The following BCCIP variants were observed in gnomAD, a reference collection of about 807,000 sequenced individuals.
BCCIP encodes the protein BRCA2 and CDKN1A-interacting protein.
Under a neutral mutation model 32.8 loss-of-function variants are expected in BCCIP, and 23 were observed. The ratio of observed to expected loss-of-function variants is 0.70; its 90% confidence interval spans 0.51 to 0.99. BCCIP has a LOEUF of 0.99. Among genes scored for constraint, BCCIP ranks in the 50% least tolerant of loss-of-function variants. The pLI, the probability that BCCIP is intolerant of heterozygous loss-of-function variation, is 0.00. For missense variants in BCCIP, 378 were observed against 379.8 expected (o/e 1.00, Z 0.04); for synonymous variants, 144 against 137.6 (o/e 1.05, Z -0.33).
chr10:125,832,897 T>G (rs1208601169), intron 5 of BCCIP, among the ~76,000 whole-genome samples: 4 of 151,282 alleles, frequency 2.6e-5, no homozygotes, highest in African/African-American at 9.7e-5. Flanking sequence ...GGCAGATCAC[T>G]TGAGGCTAGG....
Position 125,836,206 on chromosome 10 carries a change from G to C in BCCIP, c.877G>C (p.Val293Leu), listed in dbSNP as rs1034430455. The stretch of plus-strand genomic sequence containing the variant: ...CGTACCAATGACGCCCTTGCGAACT[G>C]TGATGTTAATTCCAGGCGACAAGAT... ...DDVPMTPLRT[V>L]MLIPGDKMNE... The change falls in exon 7 of 7, where the codon GTG becomes CTG. Residue 293 changes from valine (V) to leucine (L), a missense_variant. Transcript: ENST00000278100. 6.8e-6 allele frequency: 11 copies of C among 1,614,086 alleles called. No homozygotes were observed. The highest frequency in any genetic ancestry group is 9.3e-6 in the Non-Finnish European group (11 of 1,180,036).
At chr10:125,846,114 A>G (rs1440965743), downstream of BCCIP, among the ~76,000 whole-genome samples, 1 of 152,160 alleles carries the variant, frequency 6.6e-6, no homozygotes, top group Non-Finnish European at 1.5e-5. Flanking sequence ...TCTAGTCAGT[A>G]TTCCTCAAGC....
At chr10:125,853,035 G>A (rs896805759) in intron 7 of BCCIP, 29 of 910,774 alleles carry the variant, frequency 3.2e-5, no homozygotes, top group Non-Finnish European at 4.6e-5. Flanking sequence ...GGATCTTGGT[G>A]GTCTCACCTT....
chr10:125,831,395 A>G (rs1854517504), intron 4 of BCCIP, 25 bp from the exon 5 acceptor site: 2 of 1,603,438 alleles, frequency 1.2e-6, no homozygotes, highest in Non-Finnish European at 1.7e-6. Flanking sequence ...TGTAATAGGA[A>G]ACAAGCTTTC....
intron 7 of BCCIP, chr10:125,852,686 A>T: frequency 6.5e-7 from 1 of 1,538,484 alleles, no homozygotes; most frequent in East Asian, 2.3e-5. Flanking sequence ...ATAAGTCATG[A>T]TTCAGTAGGC....
At chr10:125,833,130 A>C (rs1589696242) in intron 5 of BCCIP, among the ~76,000 whole-genome samples, 1 of 151,656 alleles carries the variant, frequency 6.6e-6, no homozygotes, top group African/African-American at 2.4e-5. Context: ...TCTCCAAACG[A>C]AAAAAAGAAA....
chr10:125,852,338 T>G lies in BCCIP; in HGVS notation c.851-787T>G, dbSNP rs1277283025. On this transcript the variant is annotated intron_variant, in intron 7 of 7. Coordinates refer to the BCCIP transcript ENST00000368759. ...CAGTGGCCTAGGCCCGCAATGTCTATCCTCTTCATAAAAAGCACCATGCTT... is the reference window on the plus strand; with the variant it reads ...CAGTGGCCTAGGCCCGCAATGTCTAGCCTCTTCATAAAAAGCACCATGCTT... The G allele has an allele frequency of 1.9e-6, 3 of 1,614,224 alleles. No homozygotes were observed. The African/African-American group carries it at 4.0e-5, about 22-fold the overall frequency.
chr10:125,831,614 G>A lies in BCCIP; in HGVS notation c.599+7G>A. 6.3e-7 allele frequency: 1 copy of A among 1,593,646 alleles called. No individual in the cohort carries two copies. Among genetic ancestry groups the A allele is most frequent in the Non-Finnish European group, 8.5e-7 (1 of 1,171,074 alleles). On this transcript the variant is annotated splice_region_variant and intron_variant, in intron 5 of 6. Transcript: ENST00000278100. ...CCATGTACCAGCAGCTTCAGTAAGAGATTCTGGGAAAATATCTTTGAACAG... is the reference window on the plus strand; with the variant it reads ...CCATGTACCAGCAGCTTCAGTAAGAAATTCTGGGAAAATATCTTTGAACAG...
exon 7 of BCCIP, chr10:125,841,681 G>C (rs532560567): frequency 6.4e-7 from 1 of 1,569,984 alleles, no homozygotes; most frequent in Non-Finnish European, 8.6e-7. Context: ...AAATGGATCC[G>C]ATCTAAATCT....
At chr10:125,841,516 A>G (rs1854880094), downstream of BCCIP, 7 of 1,435,154 alleles carry the variant, frequency 4.9e-6, no homozygotes, top group South Asian at 1.6e-5. Context: ...CATCTGATGT[A>G]TAAATTTGCT....
downstream of BCCIP, chr10:125,839,255 G>C: frequency 6.6e-7 from 1 of 1,520,880 alleles, no homozygotes; most frequent in Non-Finnish European, 9.0e-7. Context: ...GCCCAGGCCA[G>C]GCAGTTGCCA....
chr10:125,830,790 A>G, intron 4 of BCCIP, 139 bp downstream of exon 4: 1 of 614,588 alleles, frequency 1.6e-6, no homozygotes, highest in South Asian at 2.3e-5. Flanking sequence ...TCTTATTGTA[A>G]TCCTTTTTCA....
chr10:125,837,649 T>G (rs73381232), downstream of BCCIP, among the ~76,000 whole-genome samples: 2,915 of 152,290 alleles, frequency 0.019, 90 homozygotes, highest in African/African-American at 0.065. Flanking sequence ...GGTCTTGAAC[T>G]CTTGGGCTCA....
chr10:125,847,192 T>A (rs997864513), downstream of BCCIP, among the ~76,000 whole-genome samples: 8 of 152,118 alleles, frequency 5.3e-5, no homozygotes, highest in African/African-American at 1.9e-4. Context: ...TCTTCCTGAT[T>A]TTTCTAGGTT....
chr10:125,833,954 T>A lies in BCCIP; in HGVS notation c.774+8T>A. The A allele has an allele frequency of 6.2e-7, 1 of 1,612,194 alleles. No individual in the cohort carries two copies. The highest frequency in any genetic ancestry group is 8.5e-7 in the Non-Finnish European group (1 of 1,178,716). The stretch of plus-strand genomic sequence containing the variant: ...GAAGAATTTTTCTATGAGGTAAGAC[T>A]ATCCTGCTTATTTGTTTAGATGTAA... On this transcript the variant is annotated splice_region_variant and intron_variant, in intron 6 of 6. Transcript: ENST00000278100.
At chr10:125,838,166 TAA>T, downstream of BCCIP, 1 of 1,350,336 alleles carries the variant, frequency 7.4e-7, no homozygotes, top group Non-Finnish European at 9.9e-7. Context: ...AGGTATGAAT[TAA>T]AAAAAAAATA....
Position 125,853,215 on chromosome 10 carries a change from TC to T in BCCIP, c.942del (p.Phe314LeufsTer2). On this transcript the variant is annotated frameshift_variant, in exon 8 of 8. Coordinates refer to the BCCIP transcript ENST00000368759. LOFTEE classifies it low-confidence loss of function (END_TRUNC). ...ACTCTAAGTGATTTCCAGGGAACCT[TC>T]ATGACTGTTGGAATTGCTCTGTCAT... 1 of 1,612,202 alleles carries T rather than the reference TC, an allele frequency of 6.2e-7. No individual in the cohort carries two copies. The highest frequency in any genetic ancestry group is 1.3e-5 in the African/African-American group (1 of 74,950).
chr10:125,841,125 A>G (rs1854866242), downstream of BCCIP: 8 of 1,366,754 alleles, frequency 5.9e-6, no homozygotes, highest in South Asian at 6.9e-5. Flanking sequence ...TAAATATGTT[A>G]TTCTTGTTTA....
At chr10:125,841,032 T>C (rs756157234), downstream of BCCIP, 1 of 1,578,304 alleles carries the variant, frequency 6.3e-7, no homozygotes, top group Non-Finnish European at 8.6e-7. Flanking sequence ...TTAGCAATAA[T>C]GAAGACATTT....
Sources: gnomAD v4.1 joint callset for allele counts (sites outside exome capture counted in the v4.1 genomes callset) on GRCh38, gnomAD v4.1.1 for gene constraint, MANE v1.5 for transcripts, NCBI Gene and HGNC (gene_info 2026-07-23, HGNC 2026-07-21) for gene names.